BTN1A1: variants seen among roughly 807,000 people sequenced by gnomAD.
BTN1A1 encodes bK14H9.2 (butyrophilin, subfamily 1, member A1).
BTN1A1 carries 26 observed loss-of-function variants against 33.1 expected under a neutral mutation model. The ratio of observed to expected loss-of-function variants is 0.79; its 90% CI spans 0.58 to 1.09. The LOEUF (loss-of-function observed/expected upper bound fraction) is 1.09. BTN1A1 is among the 50% of genes least tolerant of loss of function. BTN1A1 has a pLI of 0.00. For synonymous variants in BTN1A1, 235 were observed against 256.2 expected, an observed-to-expected ratio of 0.92 and a Z score of 0.79; for missense variants, 558 against 655.7, an observed-to-expected ratio of 0.85 and a Z score of 1.63.
chr6:26,506,859 C>T (rs763291319), intron 5 of BTN1A1, 27 bp downstream of exon 5: 23 of 1,612,268 alleles, frequency 1.4e-5, no homozygotes, highest in Middle Eastern at 1.6e-4. Flanking sequence ...ACAAGGGCTA[C>T]GTGTCAGGAG....
rs1294392513 is a variant in BTN1A1, at chr6:26,509,060, G to GA, written c.1467_1468insA (p.Asp490ArgfsTer4). 3 of 1,614,164 alleles carry GA rather than the reference G, an allele frequency of 1.9e-6. No homozygotes were observed. The highest frequency in any genetic ancestry group is 3.3e-5 in the Admixed American group (2 of 60,024). On this transcript the variant is annotated frameshift_variant, in exon 8 of 8. Coordinates refer to ENST00000684113, the MANE Select transcript of BTN1A1 (RefSeq NM_001732.3). LOFTEE classifies it low-confidence loss of function (END_TRUNC). The stretch of plus-strand genomic sequence containing the variant: ...GGGTCACAGTCATTGCTAATGCCCA[G>GA]GACCTTTCTAAGGAGATCCCATTGT...
intron 3 of BTN1A1, among the ~76,000 whole-genome samples, chr6:26,503,406 T>G (rs1638334966): frequency 6.6e-6 from 1 of 151,740 alleles, no homozygotes; most frequent in Admixed American, 6.6e-5. Context: ...AGGCAGAGGT[T>G]GCAGTGAGCT....
chr6:26,503,470 CAA>C (rs1047804251), intron 3 of BTN1A1, among the ~76,000 whole-genome samples: 1 of 132,152 alleles, frequency 7.6e-6, no homozygotes. Context: ...TCGTCTCTAA[CAA>C]AAAAAAAAAG....
In BTN1A1 at chr6:26,506,839, C is replaced by A; in HGVS notation, c.859+7C>A. On this transcript the variant is annotated splice_region_variant and intron_variant, in intron 5 of 7. Coordinates refer to ENST00000684113, the MANE Select transcript of BTN1A1 (RefSeq NM_001732.3). The stretch of plus-strand genomic sequence containing the variant: ...AATGAATTCAGCTCTAAAGGTAAAC[C>A]ATAGAATCCACAAGGGCTACGTGTC... 2 of 1,613,848 alleles carry A rather than the reference C, an allele frequency of 1.2e-6. No homozygotes were observed.
intron 3 of BTN1A1, among the ~76,000 whole-genome samples, chr6:26,504,463 T>C (rs1763844222): frequency 2.0e-5 from 3 of 152,022 alleles, no homozygotes; most frequent in Admixed American, 6.6e-5. Context: ...ATTCCTTTTA[T>C]TGGTACTTCA....
rs1233342309 is a variant in BTN1A1 at position 26,509,906 on chromosome 6, C to G, written c.*732C>G. 5 of 152,186 alleles carry G rather than the reference C, an allele frequency of 3.3e-5. No individual in the cohort carries two copies. The highest frequency in any genetic ancestry group is 1.2e-4 in the African/African-American group (5 of 41,426). 9.4% of individuals were successfully genotyped at this position (152,186 alleles called of 1,614,324 possible). On this transcript the variant is annotated 3_prime_UTR_variant, in exon 8 of 8. Transcript: ENST00000684113. Reference sequence around the variant, plus strand: ...GCACAGCTGTTCTTTGTACCCTGTTCCTTTCTCTGCGCCCTCCTGTTTCTC... The same window carrying G: ...GCACAGCTGTTCTTTGTACCCTGTTGCTTTCTCTGCGCCCTCCTGTTTCTC...
In BTN1A1 at chr6:26,501,546, T is replaced by G; in HGVS notation, c.80-44T>G. ...GAATCTGGTCGGTGTCTGTCCGTAG[T>G]TCCCATCTCCACATCCCGTCTGATC... On this transcript the variant is annotated intron_variant, in intron 2 of 7. Transcript: ENST00000684113. The surrounding 1 kb of genome is among the most constrained non-coding windows in gnomAD (Gnocchi z 5.2). 2.5e-6 allele frequency: 4 copies of G among 1,605,640 alleles called. No individual in the cohort carries two copies. The highest frequency in any genetic ancestry group is 3.4e-6 in the Non-Finnish European group (4 of 1,174,314).
chr6:26,500,934 T>G (rs1188584532), intron 1 of BTN1A1, among the ~76,000 whole-genome samples: 1 of 152,014 alleles, frequency 6.6e-6, no homozygotes, highest in South Asian at 2.1e-4. Flanking sequence ...AATAAATAAA[T>G]AAAAAGGAGA....
intron 3 of BTN1A1, 118 bp from the exon 4 acceptor site, chr6:26,504,807 C>T: frequency 9.9e-7 from 1 of 1,008,560 alleles, no homozygotes; most frequent in Non-Finnish European, 1.5e-6. Flanking sequence ...GAGTTCTTCC[C>T]CCTACTAGTC....
At chr6:26,504,087 T>TTA (rs1477812902) in intron 3 of BTN1A1, among the ~76,000 whole-genome samples, 1 of 152,144 alleles carries the variant, frequency 6.6e-6, no homozygotes, top group African/African-American at 2.4e-5. Flanking sequence ...AGCTTTATGT[T>TTA]TATATATAAC....
chr6:26,502,957 T>C (rs1286615491), intron 3 of BTN1A1, among the ~76,000 whole-genome samples: 1 of 152,220 alleles, frequency 6.6e-6, no homozygotes, highest in African/African-American at 2.4e-5. Flanking sequence ...CAATTCCTAG[T>C]GAATGACATC....
At chr6:26,507,884 C>A (rs1055457656) in intron 5 of BTN1A1, 66 bp from the exon 6 acceptor site, 12 of 1,526,924 alleles carry the variant, frequency 7.9e-6, no homozygotes, top group Non-Finnish European at 9.0e-6. Context: ...GTTTCCCACA[C>A]GAGTTTTGTC....
Position 26,509,111 on chromosome 6 carries a change from T to C in BTN1A1, c.1518T>C (p.Pro506=). The C allele has an allele frequency of 6.2e-7, 1 of 1,613,898 alleles. No individual in the cohort carries two copies. Among genetic ancestry groups the C allele is most frequent in the Non-Finnish European group, 8.5e-7 (1 of 1,179,844 alleles). The change falls in exon 8 of 8, where the codon CCT becomes CCC. Residue 506 remains proline (P), a synonymous_variant. Coordinates refer to ENST00000684113, the MANE Select transcript of BTN1A1 (RefSeq NM_001732.3). The stretch of plus-strand genomic sequence containing the variant: ...CCCCCATGGGGGAGGACTCTGCCCC[T>C]AGGGATGCAGACACTCTCCATTCTA... ...PLSPMGEDSA[P]RDADTLHSKL...
chr6:26,502,351 G>A (rs1763812333), intron 3 of BTN1A1, among the ~76,000 whole-genome samples: 1 of 152,172 alleles, frequency 6.6e-6, no homozygotes, highest in African/African-American at 2.4e-5. Flanking sequence ...AAGGATGACT[G>A]TGAGTTATTT....
chr6:26,508,042 T>C lies in BTN1A1; in HGVS notation c.881-19T>C. 1 of 1,612,680 alleles carries C rather than the reference T, an allele frequency of 6.2e-7. No homozygotes were observed. Among genetic ancestry groups the C allele is most frequent in the Non-Finnish European group, 8.5e-7 (1 of 1,179,656 alleles). On this transcript the variant is annotated intron_variant, in intron 6 of 7. Transcript: ENST00000684113. ...TTATTATATAACCTGTCAATGACTA[T>C]CTTTCTCTTTTGTTGCAGAATGGAA...
rs754251346 is a variant in BTN1A1, at chr6:26,505,132, C to T, written c.635C>T (p.Ser212Phe). ...GCTTCAGTGATCATCAGAGACACTT[C>T]TGCGAAAAATGTGTCCTGCTACATC... ...VAASVIIRDT[S>F]AKNVSCYIQN... Residue 212 changes from serine (S) to phenylalanine (F), a missense_variant, in exon 4 of 8, where the codon TCT becomes TTT. Coordinates refer to ENST00000684113, the MANE Select transcript of BTN1A1 (RefSeq NM_001732.3). The T allele has an allele frequency of 9.3e-6, 15 of 1,613,776 alleles. 1 individual carries two copies. Among genetic ancestry groups the T allele is most frequent in the Middle Eastern group, 3.3e-4 (2 of 6,082 alleles).
intron 5 of BTN1A1, among the ~76,000 whole-genome samples, chr6:26,507,441 G>A (rs931581691): frequency 6.6e-6 from 1 of 152,114 alleles, no homozygotes; most frequent in African/African-American, 2.4e-5. Flanking sequence ...AAAGATCTGA[G>A]GCCGGGCGCA....
intron 5 of BTN1A1, 49 bp from the exon 6 acceptor site, chr6:26,507,900 CT>C: frequency 6.2e-7 from 1 of 1,605,988 alleles, no homozygotes. Context: ...TTGTCCCCTC[CT>C]TTACGTCCAC....
At chr6:26,506,861 T>A (rs571765494) in intron 5 of BTN1A1, 29 bp downstream of exon 5, 1 of 1,611,702 alleles carries the variant, frequency 6.2e-7, no homozygotes, top group Non-Finnish European at 8.5e-7. Flanking sequence ...AAGGGCTACG[T>A]GTCAGGAGTG....
Sources: gnomAD v4.1 joint callset for allele counts (sites outside exome capture counted in the v4.1 genomes callset) on GRCh38, gnomAD v4.1.1 for gene constraint, Gnocchi (gnomAD v3.1) non-coding constraint, MANE v1.5 for transcripts, NCBI Gene and HGNC (gene_info 2026-07-23, HGNC 2026-07-21) for gene names.